CDH13: variants seen among roughly 807,000 people sequenced by gnomAD.
CDH13 encodes cadherin-13.
In CDH13, 24 loss-of-function variants were observed where a neutral mutation model predicts 63.8. The observed-to-expected ratio is 0.38, with a 90% CI of 0.27 to 0.53. The LOEUF (loss-of-function observed/expected upper bound fraction) is 0.53. CDH13 is among the 20% of genes least tolerant of loss of function. The pLI is 0.85. For synonymous variants in CDH13, 503 were observed against 355.3 expected (o/e 1.42, Z -4.67); for missense variants, 1,049 against 903.1 (o/e 1.16, Z -2.07).
At position 83,796,415 on chromosome 16, in the gene CDH13, T is replaced by TAACAAGAAA. The variant is rs1904281410; in HGVS notation, c.*1385_*1386insAACAAGAAA. ...CACGCTTTCTTATGCAATCTATGTTTGCACTTGTGCTTTCAGTTAGCCTTC... is the reference window on the plus strand; with the variant it reads ...CACGCTTTCTTATGCAATCTATGTTTAACAAGAAAGCACTTGTGCTTTCAGTTAGCCTTC... On this transcript the variant is annotated 3_prime_UTR_variant, in exon 14 of 14. Coordinates refer to ENST00000567109, the MANE Select transcript of CDH13 (RefSeq NM_001257.5). 2 of 152,266 alleles carry TAACAAGAAA rather than the reference T, an allele frequency of 1.3e-5. No homozygotes were observed. Among genetic ancestry groups the TAACAAGAAA allele is most frequent in the Non-Finnish European group, 2.9e-5 (2 of 68,040 alleles). The allele number at this position is 152,266 out of a possible 1,614,324, so 9.4% of individuals were successfully genotyped here.
chr16:83,643,596 C>G (rs1188292110), intron 8 of CDH13, among the ~76,000 whole-genome samples: 1 of 151,806 alleles, frequency 6.6e-6, no homozygotes, highest in Non-Finnish European at 1.5e-5. Flanking sequence ...TTTATTGTTC[C>G]CCCTTCAGCT....
chr16:83,600,326 C>G (rs2096168463), intron 7 of CDH13, among the ~76,000 whole-genome samples: 1 of 152,192 alleles, frequency 6.6e-6, no homozygotes, highest in African/African-American at 2.4e-5. Flanking sequence ...CAGGAGCACA[C>G]TAACTTCCCA....
At chr16:82,718,531 G>C (rs930076567) in intron 1 of CDH13, among the ~76,000 whole-genome samples, 1 of 152,160 alleles carries the variant, frequency 6.6e-6, no homozygotes, top group East Asian at 1.9e-4. Context: ...TGAGGTAGGT[G>C]GGGCACAGTG....
At chr16:83,028,813 T>A (rs1322881908) in intron 2 of CDH13, among the ~76,000 whole-genome samples, 1 of 152,194 alleles carries the variant, frequency 6.6e-6, no homozygotes. Context: ...GTATCTGGAA[T>A]TGAAGAAAGC....
chr16:83,743,748 C>CTTTTTTTCTTTTT (rs1912283241), intron 10 of CDH13, among the ~76,000 whole-genome samples: 1 of 76,258 alleles, frequency 1.3e-5, no homozygotes, highest in Non-Finnish European at 2.2e-5. Context: ...TTTCTTTTTT[C>CTTTTTTTCTTTTT]TTTTTTTTTT....
At chr16:83,495,349 G>A (rs2074110722) in intron 7 of CDH13, among the ~76,000 whole-genome samples, 2 of 152,200 alleles carry the variant, frequency 1.3e-5, no homozygotes, top group African/African-American at 4.8e-5. Context: ...GGTTGAAAGA[G>A]TTTAAAGACC....
At chr16:82,915,162 T>C (rs963137987) in intron 2 of CDH13, among the ~76,000 whole-genome samples, 1 of 152,256 alleles carries the variant, frequency 6.6e-6, no homozygotes, top group Non-Finnish European at 1.5e-5. Flanking sequence ...TTGGTGGTTA[T>C]AGCGCTAGTA....
chr16:83,247,296 A>T (rs539191706), intron 5 of CDH13, among the ~76,000 whole-genome samples: 2 of 152,268 alleles, frequency 1.3e-5, no homozygotes, highest in African/African-American at 4.8e-5. Flanking sequence ...GACATAATTT[A>T]CATGGAGGCT....
At chr16:83,173,262 TG>T (rs1372555675) in intron 4 of CDH13, among the ~76,000 whole-genome samples, 8 of 152,116 alleles carry the variant, frequency 5.3e-5, no homozygotes, top group African/African-American at 1.7e-4. Context: ...AGTCTGACCC[TG>T]GGGGTGACAT....
At chr16:83,607,723 T>G (rs1443465737) in intron 8 of CDH13, among the ~76,000 whole-genome samples, 1 of 152,232 alleles carries the variant, frequency 6.6e-6, no homozygotes, top group Non-Finnish European at 1.5e-5. Flanking sequence ...TGTGGAGAGT[T>G]TTCTATAAGT....
chr16:82,891,843 T>C (rs897013585), intron 2 of CDH13, among the ~76,000 whole-genome samples: 6 of 152,202 alleles, frequency 3.9e-5, no homozygotes, highest in Admixed American at 6.5e-5. Context: ...GTGTGGACAT[T>C]CATATATGTG....
At chr16:82,885,519 TCATCCATC>T (rs560468596) in intron 2 of CDH13, among the ~76,000 whole-genome samples, 126 of 145,098 alleles carry the variant, frequency 8.7e-4, no homozygotes, top group Non-Finnish European at 1.6e-3. Flanking sequence ...ATCTATCCAT[TCATCCATC>T]CATCCATCCA....
chr16:82,864,880 A>G lies in CDH13; in HGVS notation c.157+6407A>G, dbSNP rs182760783. On this transcript the variant is annotated intron_variant, in intron 2 of 13. Coordinates refer to ENST00000567109, the MANE Select transcript of CDH13 (RefSeq NM_001257.5). ...AAGTCCCTTCCACCTAGAGGCCTGT[A>G]AAATCAAGTTAGCTGCTTCCTGGAT... 1.8e-3 allele frequency among the ~76,000 whole-genome samples: 269 copies of G among 152,356 alleles called. 2 individuals are homozygous for G. Among genetic ancestry groups the G allele is most frequent in the African/African-American group, 6.1e-3 (255 of 41,592 alleles).
At chr16:83,267,571 A>G (rs542463264) in intron 5 of CDH13, among the ~76,000 whole-genome samples, 2 of 152,166 alleles carry the variant, frequency 1.3e-5, no homozygotes, top group Non-Finnish European at 2.9e-5. Context: ...TCATGAATAG[A>G]TGAATGCTGT....
intron 3 of CDH13, among the ~76,000 whole-genome samples, chr16:83,120,206 G>A (rs192268203): frequency 2.6e-5 from 4 of 152,232 alleles, no homozygotes; most frequent in East Asian, 1.9e-4. Context: ...TTAGATCCAC[G>A]GATTAACACA....
intron 5 of CDH13, among the ~76,000 whole-genome samples, chr16:83,310,791 C>A (rs182823553): frequency 6.6e-6 from 1 of 152,100 alleles, no homozygotes; most frequent in African/African-American, 2.4e-5. Flanking sequence ...AACCTAGGAC[C>A]CTGAAGCTGA....
intron 1 of CDH13, among the ~76,000 whole-genome samples, chr16:82,802,173 A>G (rs2036894921): frequency 6.6e-6 from 1 of 152,114 alleles, no homozygotes; most frequent in Non-Finnish European, 1.5e-5. Flanking sequence ...TCCACCTGCC[A>G]AGAGAGGAGG....
chr16:83,580,448 TTCTC>T (rs55664829), intron 7 of CDH13, among the ~76,000 whole-genome samples: 1,962 of 75,724 alleles, frequency 0.026, 27 homozygotes, highest in Non-Finnish European at 0.032. Context: ...TTCTGTTCAT[TTCTC>T]TCTCTCTCTC....
chr16:83,054,477 ACAG>A (rs1229410270), intron 3 of CDH13, among the ~76,000 whole-genome samples: 7 of 152,212 alleles, frequency 4.6e-5, no homozygotes, highest in African/African-American at 1.7e-4. Context: ...GATAGTATGT[ACAG>A]TGTGGATACA....
Sources: allele counts gnomAD v4.1 joint callset (sites outside exome capture counted in the v4.1 genomes callset), GRCh38; gene constraint gnomAD v4.1.1; transcripts MANE v1.5; gene names NCBI Gene and HGNC (gene_info 2026-07-23, HGNC 2026-07-21).